MED23: variants seen among roughly 807,000 people sequenced by gnomAD.
MED23 encodes mediator complex subunit 23.
A neutral mutation model predicts 163.9 loss-of-function variants in MED23; 105 were observed. That is an observed-to-expected ratio of 0.64 (90% CI 0.55 to 0.75). The LOEUF (loss-of-function observed/expected upper bound fraction) is 0.75. MED23 is among the 30% of genes least tolerant of loss of function. The pLI is 0.00. For missense variants in MED23, 1,054 were observed against 1,649.0 expected (o/e 0.64, Z 6.25); for synonymous variants, 561 against 565.6 (o/e 0.99, Z 0.12).
chr6:131,610,265 A>T lies in MED23; in HGVS notation c.877-19T>A. ...GCTTGTGCTGTAGGGCAGAGATTAA[A>T]TACAGTATTCCAAAAGCCTCTCGGT... On this transcript the variant is annotated intron_variant, in intron 10 of 28. Coordinates refer to ENST00000368068, the MANE Select transcript of MED23 (RefSeq NM_004830.4). 1 of 1,612,002 alleles carries T rather than the reference A, an allele frequency of 6.2e-7. No individual in the cohort carries two copies. Among genetic ancestry groups the T allele is most frequent in the Non-Finnish European group, 8.5e-7 (1 of 1,178,674 alleles).
At chr6:131,625,670 T>C (rs1244728919) in intron 3 of MED23, among the ~76,000 whole-genome samples, 1 of 152,208 alleles carries the variant, frequency 6.6e-6, no homozygotes, top group Non-Finnish European at 1.5e-5. Flanking sequence ...GGCCACATCA[T>C]AATTCATAAA....
chr6:131,576,578 C>T, intron 30 of MED23: 1 of 1,300,898 alleles, frequency 7.7e-7, no homozygotes, highest in South Asian at 1.2e-5. Context: ...TACAGTTCAA[C>T]TGATTAAATA....
intron 30 of MED23, among the ~76,000 whole-genome samples, chr6:131,577,948 CA>C: frequency 6.7e-6 from 1 of 150,004 alleles, no homozygotes; most frequent in Non-Finnish European, 1.5e-5. Flanking sequence ...CAAACACAGG[CA>C]AAAACATGGT....
chr6:131,606,749 G>T, intron 12 of MED23, 125 bp from the exon 13 acceptor site: 1 of 852,700 alleles, frequency 1.2e-6, no homozygotes. Context: ...CTTTAGCCCC[G>T]ATAATTCAAT....
At chr6:131,608,525 G>A (rs1776025499) in intron 11 of MED23, among the ~76,000 whole-genome samples, 1 of 151,550 alleles carries the variant, frequency 6.6e-6, no homozygotes, top group African/African-American at 2.4e-5. Flanking sequence ...CATAAAACAT[G>A]CTTCCTCATT....
rs756191684 is a variant in MED23 at position 131,605,383 on chromosome 6, T to C, written c.1470A>G (p.Leu490=). ...TAGTTTCTACCAGAGCTCCCATGGG[T>C]AATGTAAAACATTCTGAATTTGTAG... ...AYSTNSECFT[L]PMGALVETIY... Residue 490 remains leucine, a synonymous_variant, in exon 14 of 29, where the codon TTA becomes TTG. Transcript: ENST00000368068. The C allele has an allele frequency of 3.1e-6, 5 of 1,613,442 alleles. No homozygotes were observed. Among genetic ancestry groups the C allele is most frequent in the South Asian group, 1.1e-5 (1 of 91,068 alleles).
At chr6:131,584,431 C>G (rs1298587886), downstream of MED23, 4 of 151,736 alleles carry the variant, frequency 2.6e-5, no homozygotes, top group Non-Finnish European at 5.8e-5. Context: ...CTTAAAACTA[C>G]TAAGTTTTTA....
At chr6:131,622,250 T>C (rs1263044325) in intron 5 of MED23, among the ~76,000 whole-genome samples, 4 of 152,214 alleles carry the variant, frequency 2.6e-5, no homozygotes, top group South Asian at 4.1e-4. Context: ...AGGGTTTACG[T>C]TGTTACAAGG....
intron 14 of MED23, 48 bp downstream of exon 14, chr6:131,605,192 C>T: frequency 1.3e-6 from 2 of 1,589,760 alleles, no homozygotes; most frequent in Non-Finnish European, 1.7e-6. Context: ...TTATACTATA[C>T]TCGTATCAAT....
In MED23 at chr6:131,618,457, C is replaced by A. The variant is rs769783148; in HGVS notation, c.730G>T (p.Asp244Tyr). 6.2e-7 allele frequency: 1 copy of A among 1,613,916 alleles called. No homozygotes were observed. Residue 244 changes from aspartate to tyrosine, a missense_variant, in exon 9 of 29, where the codon GAT (aspartate) becomes TAT (tyrosine). This residue lies in a region of MED23 where 54 missense variants were observed against 79.7 expected (regional missense o/e 0.68). Coordinates refer to ENST00000368068, the MANE Select transcript of MED23 (RefSeq NM_004830.4). Reference sequence around the variant, plus strand: ...AAAGGAAAACGAAGAGTAGCAGGATCCAGTTTCCATGAATTACAAATGGCA... The same window carrying A: ...AAAGGAAAACGAAGAGTAGCAGGATACAGTTTCCATGAATTACAAATGGCA... The part of the protein sequence containing the change: ...SGAICNSWKL[D>Y]PATLRFPLKG...
intron 11 of MED23, 64 bp from the exon 12 acceptor site, chr6:131,608,135 TTTG>T: frequency 6.3e-7 from 1 of 1,581,638 alleles, no homozygotes; most frequent in Non-Finnish European, 8.6e-7. Context: ...ACAGGAAGTT[TTTG>T]TTGTTTTTTT....
In MED23 at chr6:131,598,565, A is replaced by G. The variant is rs1416942996; in HGVS notation, c.2417T>C (p.Ile806Thr). ...MLLETDHINQ[I>T]GYRVLERIGA... ...TAGGTTTTTGACTTACCTATAGCCAATCTGATTAATATGATCTGTTTCCAA... is the reference window on the plus strand; with the variant it reads ...TAGGTTTTTGACTTACCTATAGCCAGTCTGATTAATATGATCTGTTTCCAA... Residue 806 changes from isoleucine (I) to threonine (T), a missense_variant, in exon 19 of 29, where the codon ATT (isoleucine) becomes ACT (threonine). This residue lies in a region of MED23 where 228 missense variants were observed against 461.3 expected (regional missense o/e 0.49). Coordinates refer to ENST00000368068, the MANE Select transcript of MED23 (RefSeq NM_004830.4). The surrounding 1 kb of genome is among the most constrained non-coding windows in gnomAD (Gnocchi z 4.7). The G allele has an allele frequency of 3.7e-5, 59 of 1,613,980 alleles. No individual in the cohort carries two copies. Among genetic ancestry groups the G allele is most frequent in the Non-Finnish European group, 4.7e-5 (55 of 1,180,016 alleles).
At chr6:131,622,662 G>C (rs1343315904) in intron 5 of MED23, among the ~76,000 whole-genome samples, 1 of 152,220 alleles carries the variant, frequency 6.6e-6, no homozygotes, top group Non-Finnish European at 1.5e-5. Context: ...TCTGAGTAAA[G>C]AGAAAATAAT....
At chr6:131,610,335 G>T in intron 10 of MED23, 89 bp from the exon 11 acceptor site, 1 of 1,263,318 alleles carries the variant, frequency 7.9e-7, no homozygotes, top group South Asian at 1.3e-5. Flanking sequence ...TGTAACAAGA[G>T]GCTGAGAAGC....
At chr6:131,581,117 C>A in intron 30 of MED23, 1 of 1,157,768 alleles carries the variant, frequency 8.6e-7, no homozygotes, top group Non-Finnish European at 1.3e-6. Flanking sequence ...ATATCAGACA[C>A]TGTGACTCAA....
intron 30 of MED23, chr6:131,579,762 A>C (rs745500912): frequency 6.3e-6 from 1 of 158,862 alleles, no homozygotes; most frequent in African/African-American, 2.4e-5. Flanking sequence ...TTTCAACCAG[A>C]ATTGAAAATC....
chr6:131,594,830 AAACAAAC>A (rs1373310839), intron 22 of MED23, among the ~76,000 whole-genome samples: 2,702 of 151,674 alleles, frequency 0.018, 79 homozygotes, highest in African/African-American at 0.061. Context: ...ACAAACAAAC[AAACAAAC>A]AAAACCAGCC....
rs762828002 is a variant in MED23, at chr6:131,604,237, G to A, written c.1697C>T (p.Thr566Ile). Residue 566 changes from threonine (T) to isoleucine (I), a missense_variant, in exon 15 of 29, where the codon ACT (threonine) becomes ATT (isoleucine). Coordinates refer to ENST00000368068, the MANE Select transcript of MED23 (RefSeq NM_004830.4). The part of the protein sequence containing the change: ...SVALAPALVE[T>I]YSRLLVYMEI... ...CATATAGACCAATAAACGACTGTAA[G>A]TTTCCACTAGGGCTGGAGCCAAGGC... The A allele has an allele frequency of 5.0e-6, 8 of 1,613,712 alleles. No individual in the cohort carries two copies. Among genetic ancestry groups the A allele is most frequent in the African/African-American group, 1.3e-5 (1 of 74,874 alleles).
intron 10 of MED23, among the ~76,000 whole-genome samples, chr6:131,613,924 G>A (rs1044837219): frequency 6.6e-6 from 1 of 152,132 alleles, no homozygotes; most frequent in African/African-American, 2.4e-5. Context: ...ATATCTGGGG[G>A]AGGGTATTTG....
Sources: allele counts gnomAD v4.1 joint callset (sites outside exome capture counted in the v4.1 genomes callset), GRCh38; gene constraint gnomAD v4.1.1; regional missense constraint gnomAD v4.1.1; non-coding constraint Gnocchi (gnomAD v3.1); transcripts MANE v1.5; gene names NCBI Gene and HGNC (gene_info 2026-07-23, HGNC 2026-07-21).